Variants in COL20A1 observed in about 807,000 individuals in gnomAD.
The protein encoded by COL20A1 is collagen type XX alpha 1 chain, also known as collagen alpha-1(XX) chain.
COL20A1 carries 164 observed loss-of-function variants against 152.9 expected under a neutral mutation model. That is an observed-to-expected ratio of 1.07 (90% CI 0.94 to 1.22). The LOEUF (loss-of-function observed/expected upper bound fraction) is 1.22, where lower values mean the gene tolerates loss of function less well. Among genes scored for constraint, COL20A1 ranks in the 50% most tolerant of loss-of-function variants. The pLI is 0.00. For synonymous variants in COL20A1, 864 were observed against 756.0 expected, an observed-to-expected ratio of 1.14 and a Z score of -2.34; for missense variants, 1,873 against 1,744.8, an observed-to-expected ratio of 1.07 and a Z score of -1.31.
rs115311216 is a variant in COL20A1 at position 63,327,418 on chromosome 20, G to A, written c.3529-534G>A. On this transcript the variant is annotated intron_variant, in intron 31 of 35. Transcript: ENST00000358894. ...CCACCCAGGACAGACGTGGTGGAGG[G>A]GAGGTGGTGGGGCGGCAGGCTCCAT... The A allele has an allele frequency of 9.3e-3, 1,650 of 177,206 alleles. 36 individuals carry two copies. Among genetic ancestry groups the A allele is most frequent in the African/African-American group, 0.037 (1,556 of 42,006 alleles). 11.0% of individuals were successfully genotyped at this position (177,206 alleles called of 1,614,324 possible). A position where few individuals can be genotyped will look rare whatever the true frequency, so the allele number is the denominator to read the frequency against.
intron 5 of COL20A1, 36 bp from the exon 6 acceptor site, chr20:63,307,454 C>A: frequency 6.3e-7 from 1 of 1,589,122 alleles, no homozygotes; most frequent in Non-Finnish European, 8.6e-7. Flanking sequence ...CAGGGATGGG[C>A]CTCACCTAGC....
chr20:63,293,523 G>A (rs184572582), intron 1 of COL20A1, among the ~76,000 whole-genome samples: 160 of 152,296 alleles, frequency 1.1e-3, no homozygotes, highest in African/African-American at 3.6e-3. Flanking sequence ...ACAACATCCA[G>A]GGCTGTGGGG....
rs866094550 is a variant in COL20A1, at chr20:63,309,332, G to T, written c.941-1G>T. On this transcript the variant is annotated splice_acceptor_variant, in intron 8 of 35. Transcript: ENST00000358894. LOFTEE classifies it high-confidence loss of function. ...AACCCCACCTCCCTCCTCACGAGCA[G>T]GTGTGAAGAACGCCGATGAGGCTGA... The T allele has an allele frequency of 6.7e-7, 1 of 1,484,438 alleles. No individual in the cohort carries two copies. The allele number at this position is 1,484,438 out of a possible 1,614,324, so 92.0% of individuals were successfully genotyped here. A position where few individuals can be genotyped will look rare whatever the true frequency, so the allele number is the denominator to read the frequency against.
In COL20A1 at chr20:63,307,438, T is replaced by C. The variant is rs185391532; in HGVS notation, c.497-52T>C. ...CCCCGGGGTAGGTGATCTGGGGGCC[T>C]TGGACCAGGGATGGGCCTCACCTAG... On this transcript the variant is annotated intron_variant, in intron 5 of 35. Transcript: ENST00000358894. 632 of 1,559,730 alleles carry C rather than the reference T, an allele frequency of 4.1e-4. 4 individuals carry two copies. The African/African-American group carries it at 7.6e-3, about 19-fold the overall frequency.
chr20:63,308,424 G>C lies in COL20A1; in HGVS notation c.776-118G>C, dbSNP rs574844188. 511 of 1,040,242 alleles carry C rather than the reference G, an allele frequency of 4.9e-4. 1 individual carries two copies. Among genetic ancestry groups the C allele is most frequent in the Non-Finnish European group, 6.5e-4 (479 of 736,458 alleles). The allele number at this position is 1,040,242 out of a possible 1,614,324, so 64.4% of individuals were successfully genotyped here. A position where few individuals can be genotyped will look rare whatever the true frequency, so the allele number is the denominator to read the frequency against. The stretch of plus-strand genomic sequence containing the variant: ...CCCTGCTCCCTTGGGCTGCTGCGGG[G>C]CCTCCTGATACCCCACAAGGGAAGG... On this transcript the variant is annotated intron_variant, in intron 7 of 35. Transcript: ENST00000358894.
Position 63,325,742 on chromosome 20 carries a change from G to C in COL20A1, c.3402+21G>C, listed in dbSNP as rs377689268. 6.2e-6 allele frequency: 10 copies of C among 1,609,708 alleles called. No homozygotes were observed. The African/African-American group carries it at 1.1e-4, about 17-fold the overall frequency. On this transcript the variant is annotated intron_variant, in intron 29 of 35. Coordinates refer to ENST00000358894, the MANE Select transcript of COL20A1 (RefSeq NM_020882.4). Reference sequence around the variant, plus strand: ...CAAAGGTGCCGGCTCTGGGCTTGGAGGGTTCTGTCAGGGTGGTAGAGACTG... The same window carrying C: ...CAAAGGTGCCGGCTCTGGGCTTGGACGGTTCTGTCAGGGTGGTAGAGACTG...
chr20:63,330,796 C>T lies in COL20A1; in HGVS notation c.*80C>T, dbSNP rs2068323614. 6.6e-6 allele frequency: 1 copy of T among 152,304 alleles called. No individual in the cohort carries two copies. Among genetic ancestry groups the T allele is most frequent in the Non-Finnish European group, 1.5e-5 (1 of 68,112 alleles). The allele number at this position is 152,304 out of a possible 1,614,324, so 9.4% of individuals were successfully genotyped here. Reference sequence around the variant, plus strand: ...TCTGGACACCGAGAGCGACCACATCCTGGAGAAGCCAGGAGAAAAGCTCAG... The same window carrying T: ...TCTGGACACCGAGAGCGACCACATCTTGGAGAAGCCAGGAGAAAAGCTCAG... On this transcript the variant is annotated 3_prime_UTR_variant, in exon 36 of 36. Coordinates refer to ENST00000358894, the MANE Select transcript of COL20A1 (RefSeq NM_020882.4).
Position 63,301,160 on chromosome 20 carries a change from C to A in COL20A1, c.193+3140C>A, listed in dbSNP as rs911710755. 5.3e-5 allele frequency among the ~76,000 whole-genome samples: 8 copies of A among 152,230 alleles called. No individual in the cohort carries two copies. In the South Asian group the frequency reaches 8.3e-4, roughly 16 times the overall value. On this transcript the variant is annotated intron_variant, in intron 3 of 35. Transcript: ENST00000358894. ...CAAAACCCCGTCTCTACTAAACATACAAAAATTAGCTGGGCGTGGTGGCAC... is the reference window on the plus strand; with the variant it reads ...CAAAACCCCGTCTCTACTAAACATAAAAAAATTAGCTGGGCGTGGTGGCAC...
In COL20A1 at chr20:63,326,133, GACCC is replaced by G; in HGVS notation, c.3441_3444del (p.Pro1148LeufsTer53). ...CTGGAGGGAACTGCTGGCCTGCCTGGACCCCCTGGCCCCAGGGTAGGCACCGACC... is the reference window on the plus strand; with the variant it reads ...CTGGAGGGAACTGCTGGCCTGCCTGGCCTGGCCCCAGGGTAGGCACCGACC... On this transcript the variant is annotated frameshift_variant, in exon 30 of 36. Coordinates refer to ENST00000358894, the MANE Select transcript of COL20A1 (RefSeq NM_020882.4). LOFTEE classifies it high-confidence loss of function. The G allele has an allele frequency of 2.5e-6, 4 of 1,612,496 alleles. No homozygotes were observed. The African/African-American group carries it at 5.3e-5, about 22-fold the overall frequency.
In COL20A1 at chr20:63,305,357, C is replaced by T. The variant is rs867155459; in HGVS notation, c.194-60C>T. On this transcript the variant is annotated intron_variant, in intron 3 of 35. Coordinates refer to ENST00000358894, the MANE Select transcript of COL20A1 (RefSeq NM_020882.4). The surrounding 1 kb of genome is among the most constrained non-coding windows in gnomAD (Gnocchi z 4.9). Reference sequence around the variant, plus strand: ...GAGCCAAGAGGGTTTCACTCCCCGCCGTGACAGATGCACACACGTGTGCAC... The same window carrying T: ...GAGCCAAGAGGGTTTCACTCCCCGCTGTGACAGATGCACACACGTGTGCAC... 5.9e-6 allele frequency: 8 copies of T among 1,346,400 alleles called. No homozygotes were observed. Among genetic ancestry groups the T allele is most frequent in the East Asian group, 3.0e-5 (1 of 33,154 alleles). The allele number at this position is 1,346,400 out of a possible 1,614,324, so 83.4% of individuals were successfully genotyped here.
chr20:63,305,342 G>T lies in COL20A1; in HGVS notation c.194-75G>T. ...TGGGGTGGGGAGGAGGAGCCAAGAGGGTTTCACTCCCCGCCGTGACAGATG... is the reference window on the plus strand; with the variant it reads ...TGGGGTGGGGAGGAGGAGCCAAGAGTGTTTCACTCCCCGCCGTGACAGATG... On this transcript the variant is annotated intron_variant, in intron 3 of 35. Transcript: ENST00000358894. The surrounding 1 kb of genome is among the most constrained non-coding windows in gnomAD (Gnocchi z 4.9). 7.9e-7 allele frequency: 1 copy of T among 1,266,376 alleles called. No homozygotes were observed. The highest frequency in any genetic ancestry group is 2.0e-5 in the South Asian group (1 of 49,354). The allele number at this position is 1,266,376 out of a possible 1,614,324, so 78.4% of individuals were successfully genotyped here.
intron 1 of COL20A1, among the ~76,000 whole-genome samples, chr20:63,294,549 C>T (rs1231221832): frequency 6.6e-6 from 1 of 152,036 alleles, no homozygotes; most frequent in Non-Finnish European, 1.5e-5. Flanking sequence ...ACACCCTGCA[C>T]CCCCGGCTGG....
At chr20:63,297,254 G>A (rs1352566467) in intron 2 of COL20A1, among the ~76,000 whole-genome samples, 2 of 151,892 alleles carry the variant, frequency 1.3e-5, no homozygotes, top group Non-Finnish European at 2.9e-5. Context: ...ACTCAGCCCA[G>A]GGGCCCCAGC....
intron 33 of COL20A1, 39 bp from the exon 34 acceptor site, chr20:63,328,292 G>C: frequency 1.9e-6 from 3 of 1,589,388 alleles, no homozygotes; most frequent in Non-Finnish European, 2.6e-6. Flanking sequence ...GCATCCCCGG[G>C]TCCCCACTGT....
intron 27 of COL20A1, 80 bp downstream of exon 27, chr20:63,322,191 G>C: frequency 8.4e-7 from 1 of 1,184,176 alleles, no homozygotes; most frequent in Non-Finnish European, 1.2e-6. Context: ...GTGCATTCCT[G>C]AGAGTGCAGG....
In COL20A1 at chr20:63,310,452, C is replaced by G. The variant is rs932128040; in HGVS notation, c.1335C>G (p.Ser445=). 4 of 1,609,400 alleles carry G rather than the reference C, an allele frequency of 2.5e-6. No homozygotes were observed. Among genetic ancestry groups the G allele is most frequent in the Non-Finnish European group, 2.5e-6 (3 of 1,178,564 alleles). ...CCTCCCGCACAGAGTACCTGGTCTCCGTGTTCCCCATCTATGAGGGCGGGG... is the reference window on the plus strand; with the variant it reads ...CCTCCCGCACAGAGTACCTGGTCTCGGTGTTCCCCATCTATGAGGGCGGGG... ...NLASRTEYLV[S]VFPIYEGGVG... is the part of the protein sequence containing the mutation. The change falls in exon 11 of 36, where the codon TCC becomes TCG. Residue 445 remains serine (S), a synonymous_variant. Transcript: ENST00000358894.
chr20:63,329,292 G>A (rs931670042), intron 34 of COL20A1: 6 of 434,636 alleles, frequency 1.4e-5, no homozygotes, highest in Admixed American at 3.9e-5. Context: ...CAGAATAAAC[G>A]GCCCCCTCTG....
intron 34 of COL20A1, among the ~76,000 whole-genome samples, chr20:63,328,851 T>TC (rs1211844320): frequency 3.8e-5 from 1 of 25,986 alleles, no homozygotes; most frequent in African/African-American, 1.6e-4. Context: ...TCCTCCCCAC[T>TC]CCCGCCCTCT....
chr20:63,319,041 T>TGC lies in COL20A1; in HGVS notation c.2664-17_2664-16insGC. 1 of 1,564,822 alleles carries TGC rather than the reference T, an allele frequency of 6.4e-7. No individual in the cohort carries two copies. The highest frequency in any genetic ancestry group is 8.8e-7 in the Non-Finnish European group (1 of 1,138,086). On this transcript the variant is annotated splice_polypyrimidine_tract_variant and intron_variant, in intron 21 of 35. Coordinates refer to ENST00000358894, the MANE Select transcript of COL20A1 (RefSeq NM_020882.4). This position sits in a 1 kb window ranked among gnomAD's most constrained non-coding sequence, Gnocchi z 4.4. Reference sequence around the variant, plus strand: ...TTGGGTCTGCTCATGTGCCTCTCCCTCCCCCAACCCCCACAGTGACGTCTA... The same window carrying TGC: ...TTGGGTCTGCTCATGTGCCTCTCCCTGCCCCCCAACCCCCACAGTGACGTCTA...
Sources: gnomAD v4.1 joint callset for allele counts (sites outside exome capture counted in the v4.1 genomes callset) on GRCh38, gnomAD v4.1.1 for gene constraint, Gnocchi (gnomAD v3.1) non-coding constraint, MANE v1.5 for transcripts, NCBI Gene and HGNC (gene_info 2026-07-23, HGNC 2026-07-21) for gene names.